Variants in TNNI3K observed in about 807,000 individuals in gnomAD.
TNNI3K encodes TNNI3 interacting kinase, also known as serine/threonine-protein kinase TNNI3K.
In TNNI3K, 140 loss-of-function variants were observed where a neutral mutation model predicts 114.5. The ratio of observed to expected loss-of-function variants is 1.22; its 90% CI spans 1.07 to 1.41. TNNI3K has a LOEUF of 1.41. TNNI3K is among the 40% of genes most tolerant of loss of function. TNNI3K has a pLI of 0.00. For missense variants in TNNI3K, 1,125 were observed against 1,007.6 expected, an observed-to-expected ratio of 1.12 and a Z score of -1.58; for synonymous variants, 347 against 347.5, an observed-to-expected ratio of 1.00 and a Z score of 0.02.
intron 17 of TNNI3K, among the ~76,000 whole-genome samples, chr1:74,427,260 A>G (rs1035253042): frequency 1.3e-5 from 2 of 151,732 alleles, no homozygotes; most frequent in African/African-American, 4.8e-5. Context: ...AAAGGTGGCT[A>G]GGAAGCAGTA....
chr1:74,475,133 C>G (rs531207956), intron 21 of TNNI3K, among the ~76,000 whole-genome samples: 2 of 151,332 alleles, frequency 1.3e-5, no homozygotes, highest in African/African-American at 4.8e-5. Flanking sequence ...CACACACACA[C>G]ACACACACAC....
At chr1:74,245,862 G>T (rs1414412725) in intron 2 of TNNI3K, among the ~76,000 whole-genome samples, 1 of 152,030 alleles carries the variant, frequency 6.6e-6, no homozygotes, top group Admixed American at 6.6e-5. Flanking sequence ...TACCCTTCTT[G>T]CTTTCTGTGT....
intron 17 of TNNI3K, among the ~76,000 whole-genome samples, chr1:74,433,611 T>C (rs1202628894): frequency 6.6e-6 from 1 of 152,128 alleles, no homozygotes; most frequent in East Asian, 1.9e-4. Context: ...TTTTGACATT[T>C]AGACCCATTA....
chr1:74,241,027 G>T (rs1036871154), intron 2 of TNNI3K, among the ~76,000 whole-genome samples: 2 of 151,898 alleles, frequency 1.3e-5, no homozygotes, highest in Non-Finnish European at 2.9e-5. Flanking sequence ...GCGGTGTTTG[G>T]TTTTTTGTCC....
intron 23 of TNNI3K, among the ~76,000 whole-genome samples, chr1:74,497,842 C>T (rs747547753): frequency 2.6e-5 from 4 of 152,012 alleles, no homozygotes; most frequent in Non-Finnish European, 5.9e-5. Context: ...AAGTGAATTC[C>T]GGAGTCCAAT....
intron 19 of TNNI3K, among the ~76,000 whole-genome samples, chr1:74,437,844 T>G (rs1666205119): frequency 1.3e-5 from 2 of 151,788 alleles, no homozygotes; most frequent in African/African-American, 4.8e-5. Context: ...AAATTATGAT[T>G]TTATTGGCCT....
chr1:74,385,527 G>T (rs2100556772), intron 17 of TNNI3K, among the ~76,000 whole-genome samples: 1 of 152,146 alleles, frequency 6.6e-6, no homozygotes, highest in African/African-American at 2.4e-5. Context: ...AACCTTAAAA[G>T]GGAGAAATAA....
intron 17 of TNNI3K, chr1:74,376,959 TGCAGTGGTTCTCA>T (rs1353217739): frequency 6.6e-6 from 1 of 152,038 alleles, no homozygotes; most frequent in Non-Finnish European, 1.5e-5. Context: ...ATTGTTCTAG[TGCAGTGGTTCTCA>T]GTTTGGCTGC....
intron 20 of TNNI3K, among the ~76,000 whole-genome samples, chr1:74,448,534 T>C (rs1396362249): frequency 6.8e-6 from 1 of 146,270 alleles, no homozygotes; most frequent in Non-Finnish European, 1.5e-5. Context: ...CATCCCTGTC[T>C]TGTGCCGGTT....
At chr1:74,503,816 G>T (rs1669756360) in intron 23 of TNNI3K, among the ~76,000 whole-genome samples, 1 of 152,144 alleles carries the variant, frequency 6.6e-6, no homozygotes, top group African/African-American at 2.4e-5. Flanking sequence ...AACAAAATCA[G>T]AAAATCTCCT....
At chr1:74,282,356 A>G (rs2100256885) in intron 5 of TNNI3K, among the ~76,000 whole-genome samples, 1 of 152,166 alleles carries the variant, frequency 6.6e-6, no homozygotes, top group Non-Finnish European at 1.5e-5. Flanking sequence ...GTTCATTATC[A>G]AGGTGTTGGC....
intron 9 of TNNI3K, among the ~76,000 whole-genome samples, chr1:74,347,712 A>G (rs1368579460): frequency 6.6e-6 from 1 of 152,140 alleles, no homozygotes; most frequent in Non-Finnish European, 1.5e-5. Context: ...GTGAGATGGT[A>G]TCTCATTGTG....
chr1:74,317,000 CCTT>C (rs1659348846), intron 5 of TNNI3K, among the ~76,000 whole-genome samples: 1 of 151,978 alleles, frequency 6.6e-6, no homozygotes, highest in African/African-American at 2.4e-5. Context: ...TGCCCAGCCT[CCTT>C]CTTTTATTTT....
At chr1:74,253,899 G>A (rs1001760305) in intron 4 of TNNI3K, among the ~76,000 whole-genome samples, 2 of 152,190 alleles carry the variant, frequency 1.3e-5, no homozygotes, top group African/African-American at 2.4e-5. Context: ...CTGCCAGCAC[G>A]CTGTCACCTC....
intron 22 of TNNI3K, among the ~76,000 whole-genome samples, chr1:74,489,640 T>C (rs1450545532): frequency 6.6e-6 from 1 of 152,124 alleles, no homozygotes; most frequent in African/African-American, 2.4e-5. Flanking sequence ...AAAAGAAAAA[T>C]TATCAATAAA....
At chr1:74,465,190 A>G (rs1054454891) in intron 21 of TNNI3K, among the ~76,000 whole-genome samples, 1 of 151,686 alleles carries the variant, frequency 6.6e-6, no homozygotes, top group African/African-American at 2.4e-5. Flanking sequence ...CACATGAGGA[A>G]CTCTTCAGCC....
chr1:74,493,207 A>G (rs45600040), intron 23 of TNNI3K, among the ~76,000 whole-genome samples: 27 of 152,284 alleles, frequency 1.8e-4, no homozygotes, highest in African/African-American at 6.3e-4. Flanking sequence ...GGGGATAGGG[A>G]GGAGGGAGAA....
chr1:74,363,578 G>A (rs572072174), intron 11 of TNNI3K, among the ~76,000 whole-genome samples: 3 of 152,062 alleles, frequency 2.0e-5, no homozygotes, highest in Non-Finnish European at 2.9e-5. Flanking sequence ...TCACACAGGC[G>A]CTCAGGATTC....
At chr1:74,341,778 A>G (rs1236597775) in intron 7 of TNNI3K, 1 of 152,154 alleles carries the variant, frequency 6.6e-6, no homozygotes, top group Non-Finnish European at 1.5e-5. Flanking sequence ...CTAGGCACAC[A>G]TAAACTGTTG....
Sources: allele counts gnomAD v4.1 joint callset (sites outside exome capture counted in the v4.1 genomes callset), GRCh38; gene constraint gnomAD v4.1.1; transcripts MANE v1.5; gene names NCBI Gene and HGNC (gene_info 2026-07-23, HGNC 2026-07-21).